NAA11: variants seen among roughly 807,000 people sequenced by gnomAD.
NAA11 encodes the protein N-alpha-acetyltransferase 11, NatA catalytic subunit.
In NAA11, 15 loss-of-function variants were observed where a neutral mutation model predicts 16.1. The observed-to-expected ratio is 0.93, with a 90% CI of 0.62 to 1.44. The LOEUF (loss-of-function observed/expected upper bound fraction) is 1.44. Ranked by LOEUF, NAA11 falls within the 40% of genes most tolerant of loss-of-function variation. NAA11 has a pLI of 0.00. For synonymous variants in NAA11, 122 were observed against 112.4 expected (o/e 1.09, Z -0.54); for missense variants, 298 against 291.3 (o/e 1.02, Z -0.17).
At position 79,237,063 on chromosome 4, in the gene NAA11, C is replaced by T. The variant is rs182090169; in HGVS notation, c.*123-10793G>A. On this transcript the variant is annotated intron_variant and NMD_transcript_variant, in intron 2 of 2. Coordinates refer to the NAA11 transcript ENST00000511542. ...TTCCCCTTTCTTAGAGTACATGCAA[C>T]ATTCTTTCTGAAAGGAACAGCTACA... 3.3e-5 allele frequency among the ~76,000 whole-genome samples: 5 copies of T among 152,246 alleles called. No homozygotes were observed. In the East Asian group the frequency reaches 9.7e-4, roughly 29 times the overall value.
the NAA11 span, among the ~76,000 whole-genome samples, chr4:79,160,389 A>C: frequency 6.6e-6 from 1 of 152,176 alleles, no homozygotes; most frequent in East Asian, 1.9e-4. Flanking sequence ...TTGATATATT[A>C]TTAAGAGTTG....
In NAA11 at chr4:79,245,791, G is replaced by A. The variant is rs879194045; in HGVS notation, c.*123-19521C>T. 5.3e-5 allele frequency among the ~76,000 whole-genome samples: 8 copies of A among 150,786 alleles called. No individual in the cohort carries two copies. The East Asian group carries it at 8.1e-4, about 15-fold the overall frequency. ...GGGGGGCGCCTCCGCCCAGCCGCCC[G>A]TCTGGGGGGTGAGGGGCCCCTCTGC... is the stretch of plus-strand genomic sequence containing the variant. On this transcript the variant is annotated intron_variant and NMD_transcript_variant, in intron 2 of 2. Coordinates refer to the NAA11 transcript ENST00000511542.
In NAA11 at chr4:79,284,015, G is replaced by A. The variant is rs186891425; in HGVS notation, c.*122+9990C>T. 1.2e-3 allele frequency among the ~76,000 whole-genome samples: 181 copies of A among 152,124 alleles called. No homozygotes were observed. In the Middle Eastern group the frequency reaches 0.017, roughly 14 times the overall value. ...ATGAATGAAGTGATTGAGGAACTTG[G>A]AAAACAAGAAATTACATCTTTTCAG... On this transcript the variant is annotated intron_variant and NMD_transcript_variant, in intron 2 of 2. Coordinates refer to the NAA11 transcript ENST00000511542.
At chr4:79,219,544 GA>G in the NAA11 span, among the ~76,000 whole-genome samples, 1 of 152,076 alleles carries the variant, frequency 6.6e-6, no homozygotes, top group Non-Finnish European at 1.5e-5. Context: ...GACCTTAGGG[GA>G]AACATAAGCT....
chr4:79,179,907 AG>A, the NAA11 span, among the ~76,000 whole-genome samples: 1 of 152,198 alleles, frequency 6.6e-6, no homozygotes, highest in African/African-American at 2.4e-5. Flanking sequence ...CGGAAGGCAC[AG>A]GGGAAGCAGA....
At chr4:79,301,188 C>T (rs1723371898) in intron 1 of NAA11, among the ~76,000 whole-genome samples, 4 of 152,082 alleles carry the variant, frequency 2.6e-5, no homozygotes, top group South Asian at 2.1e-4. Context: ...GAGTAAGTAC[C>T]GAATAAACAT....
At chr4:79,185,445 A>G in the NAA11 span, among the ~76,000 whole-genome samples, 3 of 152,200 alleles carry the variant, frequency 2.0e-5, no homozygotes, top group Non-Finnish European at 2.9e-5. Flanking sequence ...AAGGCAGCCA[A>G]AGTGGCACTT....
chr4:79,188,391 C>T, the NAA11 span, among the ~76,000 whole-genome samples: 1 of 152,014 alleles, frequency 6.6e-6, no homozygotes, highest in African/African-American at 2.4e-5. Context: ...CGAGACCATC[C>T]TGGCTAACGC....
the NAA11 span, among the ~76,000 whole-genome samples, chr4:79,216,511 C>G: frequency 6.6e-6 from 1 of 152,016 alleles, no homozygotes; most frequent in Admixed American, 6.6e-5. Flanking sequence ...ATAAATTCAT[C>G]AAATGACTGA....
At chr4:79,207,941 T>C in the NAA11 span, among the ~76,000 whole-genome samples, 1 of 152,126 alleles carries the variant, frequency 6.6e-6, no homozygotes, top group South Asian at 2.1e-4. Context: ...TGATCCTCAG[T>C]GTAGGTGGGT....
the NAA11 span, among the ~76,000 whole-genome samples, chr4:79,168,348 T>C: frequency 2.0e-5 from 3 of 152,350 alleles, no homozygotes; most frequent in Admixed American, 2.0e-4. Context: ...CATGTGTCTT[T>C]ATAGTAGAAT....
the NAA11 span, among the ~76,000 whole-genome samples, chr4:79,184,648 G>C: frequency 6.6e-6 from 1 of 152,138 alleles, no homozygotes; most frequent in African/African-American, 2.4e-5. Context: ...CTGTGAGTCT[G>C]GGGGAGCAGA....
chr4:79,286,996 G>A (rs564687643), intron 2 of NAA11, among the ~76,000 whole-genome samples: 2 of 152,106 alleles, frequency 1.3e-5, no homozygotes, highest in South Asian at 2.1e-4. Context: ...CCAAAGTAGC[G>A]CACTCTCCTT....
chr4:79,270,300 CACAT>C (rs1206651246), intron 2 of NAA11, among the ~76,000 whole-genome samples: 1 of 152,006 alleles, frequency 6.6e-6, no homozygotes, highest in Non-Finnish European at 1.5e-5. Context: ...AATTCCTCGA[CACAT>C]ACACTCTCCC....
chr4:79,198,023 C>T, the NAA11 span, among the ~76,000 whole-genome samples: 1 of 151,896 alleles, frequency 6.6e-6, no homozygotes, highest in Non-Finnish European at 1.5e-5. Flanking sequence ...GGTAAATATG[C>T]CCTTTCTTTA....
intron 1 of NAA11, among the ~76,000 whole-genome samples, chr4:79,296,199 G>C (rs1326361187): frequency 6.6e-6 from 1 of 152,116 alleles, no homozygotes; most frequent in Non-Finnish European, 1.5e-5. Context: ...CATTGACCTA[G>C]TTAATCTTCA....
chr4:79,306,866 T>C (rs1723597637), intron 1 of NAA11: 1 of 152,206 alleles, frequency 6.6e-6, no homozygotes, highest in African/African-American at 2.4e-5. Flanking sequence ...CAGCATATTT[T>C]GTTACCTCAT....
chr4:79,202,623 T>TTTTATATATATATA, the NAA11 span, among the ~76,000 whole-genome samples: 2 of 52,622 alleles, frequency 3.8e-5, no homozygotes, highest in Non-Finnish European at 9.0e-5. Context: ...ATATATAGTT[T>TTTTATATATATATA]TATATATATA....
chr4:79,221,389 T>G (rs1290204584), downstream of NAA11, among the ~76,000 whole-genome samples: 8 of 131,592 alleles, frequency 6.1e-5, no homozygotes, highest in East Asian at 1.4e-3. Flanking sequence ...CTAATTGCCC[T>G]GGCCAGAACT....
Sources: allele counts gnomAD v4.1 joint callset (sites outside exome capture counted in the v4.1 genomes callset), GRCh38; gene constraint gnomAD v4.1.1; transcripts MANE v1.5; gene names NCBI Gene and HGNC (gene_info 2026-07-23, HGNC 2026-07-21).